Variants in ARHGAP6 observed in about 807,000 individuals in gnomAD.
ARHGAP6 encodes the protein Rho GTPase activating protein 6, also known as rho GTPase-activating protein 6.
ARHGAP6 carries 16 observed loss-of-function variants against 55.7 expected under a neutral mutation model. The observed-to-expected ratio is 0.29, with a 90% CI of 0.19 to 0.44. The LOEUF (loss-of-function observed/expected upper bound fraction) is 0.44. Ranked by LOEUF, ARHGAP6 falls within the 20% of genes least tolerant of loss-of-function variation. The pLI is 1.00. For missense variants in ARHGAP6, 698 were observed against 808.9 expected, an observed-to-expected ratio of 0.86 and a Z score of 1.66; for synonymous variants, 382 against 360.9, an observed-to-expected ratio of 1.06 and a Z score of -0.66.
chrX:11,656,412 AAAACAAC>A (rs2052637921), intron 1 of ARHGAP6, among the ~76,000 whole-genome samples: 1 of 112,386 alleles, frequency 8.9e-6, no homozygotes, highest in Non-Finnish European at 1.9e-5. Flanking sequence ...TTTGTAGCAT[AAAACAAC>A]TGACATATTC....
chrX:11,623,157 G>C (rs1159385261), intron 1 of ARHGAP6, among the ~76,000 whole-genome samples: 1 of 111,035 alleles, frequency 9.0e-6, no homozygotes, highest in Non-Finnish European at 1.9e-5. Context: ...CATGTATTTA[G>C]GAAAACCTAA....
At chrX:11,496,787 A>T (rs2050627087) in intron 1 of ARHGAP6, among the ~76,000 whole-genome samples, 1 of 112,062 alleles carries the variant, frequency 8.9e-6, no homozygotes, top group South Asian at 3.7e-4. Flanking sequence ...TGATTGTTAC[A>T]TATAAAGTAT....
At chrX:11,166,258 T>G (rs955754887) in intron 9 of ARHGAP6, among the ~76,000 whole-genome samples, 4 of 111,439 alleles carry the variant, frequency 3.6e-5, no homozygotes, top group Admixed American at 2.9e-4. Flanking sequence ...CTCTGTGAGC[T>G]TCTACATCCC....
At chrX:11,275,345 TACAC>T (rs2047744668) in intron 1 of ARHGAP6, among the ~76,000 whole-genome samples, 1 of 111,895 alleles carries the variant, frequency 8.9e-6, no homozygotes, top group South Asian at 3.7e-4. Context: ...TATTTGAAAA[TACAC>T]ACAATAAAAT....
At chrX:11,196,812 C>G (rs1454032729) in intron 3 of ARHGAP6, 113 bp downstream of exon 3, 1 of 504,292 alleles carries the variant, frequency 2.0e-6, no homozygotes, top group East Asian at 3.7e-5. Context: ...TGTAGAAATC[C>G]AGTTTTCATA....
At chrX:11,395,582 C>T (rs931136821) in intron 1 of ARHGAP6, among the ~76,000 whole-genome samples, 28 of 112,218 alleles carry the variant, frequency 2.5e-4, no homozygotes, top group South Asian at 7.4e-4. Context: ...CTCCAGCCAA[C>T]GCAAGCTGGC....
intron 2 of ARHGAP6, among the ~76,000 whole-genome samples, chrX:11,212,692 G>C (rs1038515999): frequency 8.9e-6 from 1 of 111,875 alleles, no homozygotes; most frequent in Non-Finnish European, 1.9e-5. Context: ...GATTTCAAAG[G>C]TTAGGTCATG....
Position 11,189,008 on chromosome X carries a change from A to G in ARHGAP6, c.821-24T>C, listed in dbSNP as rs769901525. On this transcript the variant is annotated intron_variant, in intron 3 of 12. Transcript: ENST00000337414. Reference sequence around the variant, plus strand: ...TTCTGGAATCAAAAAACAGACATTCACTTTCAGAGACTGACTGGTCCAGTG... The same window carrying G: ...TTCTGGAATCAAAAAACAGACATTCGCTTTCAGAGACTGACTGGTCCAGTG... The G allele has an allele frequency of 2.5e-6, 3 of 1,198,568 alleles. No individual in the cohort carries two copies. The South Asian group carries it at 5.5e-5, about 22-fold the overall frequency.
chrX:11,176,299 G>A (rs57848561), intron 8 of ARHGAP6, among the ~76,000 whole-genome samples: 5 of 10,769 alleles, frequency 4.6e-4, no homozygotes, highest in Admixed American at 2.2e-3. Flanking sequence ...GTATTTGCAT[G>A]CATATATATA....
intron 1 of ARHGAP6, among the ~76,000 whole-genome samples, chrX:11,552,600 A>ATATG (rs59361607): frequency 6.4e-5 from 4 of 62,586 alleles, no homozygotes; most frequent in African/African-American, 2.5e-4. Context: ...ATATATATAT[A>ATATG]GACACACACA....
intron 1 of ARHGAP6, among the ~76,000 whole-genome samples, chrX:11,601,473 T>C (rs1222402238): frequency 8.9e-6 from 1 of 111,829 alleles, no homozygotes; most frequent in Non-Finnish European, 1.9e-5. Context: ...CCATTCATGG[T>C]ACCAGGGACA....
chrX:11,231,714 A>C (rs1250616911), intron 2 of ARHGAP6, among the ~76,000 whole-genome samples: 1 of 112,500 alleles, frequency 8.9e-6, no homozygotes, highest in Non-Finnish European at 1.9e-5. Flanking sequence ...TATTGCACTC[A>C]GAGTACAAAA....
intron 2 of ARHGAP6, among the ~76,000 whole-genome samples, chrX:11,240,810 C>T (rs1213545628): frequency 4.6e-5 from 5 of 109,502 alleles, no homozygotes; most frequent in Admixed American, 2.0e-4. Flanking sequence ...TTTGGGACAC[C>T]GAGGCAGGTG....
At chrX:11,278,520 CAG>C (rs1569283526) in intron 1 of ARHGAP6, among the ~76,000 whole-genome samples, 1 of 111,901 alleles carries the variant, frequency 8.9e-6, no homozygotes, top group Non-Finnish European at 1.9e-5. Context: ...CAACCTGTGT[CAG>C]ATTTCTAACC....
chrX:11,462,051 T>C (rs1360039684), intron 1 of ARHGAP6, among the ~76,000 whole-genome samples: 1 of 112,305 alleles, frequency 8.9e-6, no homozygotes, highest in African/African-American at 3.2e-5. Flanking sequence ...GCTTTCCTAA[T>C]TTAGAGCGAG....
chrX:11,305,483 A>G (rs989901943), intron 1 of ARHGAP6, among the ~76,000 whole-genome samples: 2 of 112,639 alleles, frequency 1.8e-5, no homozygotes, highest in Non-Finnish European at 3.7e-5. Context: ...TTGGGAGGTT[A>G]CAAGAAGCTT....
chrX:11,337,875 A>G (rs1603094982), intron 1 of ARHGAP6, among the ~76,000 whole-genome samples: 1 of 112,252 alleles, frequency 8.9e-6, no homozygotes, highest in Non-Finnish European at 1.9e-5. Context: ...TGGCACTGGC[A>G]TCTGCTTGGA....
chrX:11,543,118 A>G (rs1383998259), intron 1 of ARHGAP6, among the ~76,000 whole-genome samples: 1 of 112,083 alleles, frequency 8.9e-6, no homozygotes, highest in Non-Finnish European at 1.9e-5. Flanking sequence ...GGATTTTACA[A>G]AAAATGTTGA....
chrX:11,646,925 C>T (rs1233274339), intron 1 of ARHGAP6, among the ~76,000 whole-genome samples: 2 of 111,934 alleles, frequency 1.8e-5, no homozygotes, highest in African/African-American at 6.5e-5. Flanking sequence ...TATTTGTCTT[C>T]CAAAATATAT....
Sources: allele counts gnomAD v4.1 joint callset (sites outside exome capture counted in the v4.1 genomes callset), GRCh38; gene constraint gnomAD v4.1.1; transcripts MANE v1.5; gene names NCBI Gene and HGNC (gene_info 2026-07-23, HGNC 2026-07-21).